Variants in COL18A1 observed in about 807,000 individuals in gnomAD.
COL18A1 encodes the protein collagen alpha-1(XVIII) chain.
A neutral mutation model predicts 168.0 loss-of-function variants in COL18A1; 133 were observed. That is an observed-to-expected ratio of 0.79 (90% CI 0.69 to 0.91). COL18A1 has a LOEUF of 0.91. Ranked by LOEUF, COL18A1 falls within the 40% of genes least tolerant of loss-of-function variation. The pLI is 0.00. For missense variants in COL18A1, 2,126 were observed against 1,925.4 expected (o/e 1.10, Z -1.95); for synonymous variants, 949 against 809.0 (o/e 1.17, Z -2.94).
intron 2 of COL18A1, among the ~76,000 whole-genome samples, chr21:45,442,081 C>T (rs188654368): frequency 8.9e-4 from 136 of 152,322 alleles, no homozygotes; most frequent in African/African-American, 3.1e-3. Flanking sequence ...GCGGGGAGGC[C>T]CATTTGCCCT....
intron 1 of COL18A1, 29 bp from the exon 2 acceptor site, chr21:45,405,350 G>A: frequency 1.6e-6 from 2 of 1,214,842 alleles, no homozygotes; most frequent in Non-Finnish European, 2.1e-6. Flanking sequence ...GGGGTCCTGC[G>A]GGGTCTGACC....
Position 45,489,495 on chromosome 21 carries a change from G to A in COL18A1, c.1933G>A (p.Gly645Ser). The part of the protein sequence containing the change: ...PGLPGLKGDP[G>S]VPGLPGAKGE... ...CCCTTTTTTCACTTAGGGGGATCCT[G>A]GCGTGCCTGGGCTGCCGGGGGCGAA... The change falls in exon 19 of 42, where the codon GGC becomes AGC. Residue 645 changes from glycine to serine, a missense_variant. By Grantham distance (56) the Gly-to-Ser change is moderately conservative. Transcript: ENST00000651438. 1 of 1,602,918 alleles carries A rather than the reference G, an allele frequency of 6.2e-7. No individual in the cohort carries two copies. Among genetic ancestry groups the A allele is most frequent in the East Asian group, 2.2e-5 (1 of 44,600 alleles).
chr21:45,453,699 G>A (rs979554090), intron 2 of COL18A1, among the ~76,000 whole-genome samples: 1 of 152,176 alleles, frequency 6.6e-6, no homozygotes, highest in African/African-American at 2.4e-5. Context: ...GAGTGGGCAG[G>A]GGAAGGGTGG....
At chr21:45,448,454 CATA>C (rs1327616338) in intron 2 of COL18A1, among the ~76,000 whole-genome samples, 1 of 152,266 alleles carries the variant, frequency 6.6e-6, no homozygotes, top group African/African-American at 2.4e-5. Flanking sequence ...TGTATGCACA[CATA>C]ATCCACATGC....
chr21:45,477,319 C>G (rs796271931), intron 6 of COL18A1, 92 bp from the exon 7 acceptor site: 9 of 981,578 alleles, frequency 9.2e-6, no homozygotes, highest in Admixed American at 7.9e-5. Context: ...GGACTGAAAG[C>G]GTTTGGGCTG....
chr21:45,405,487 G>A lies in COL18A1; in HGVS notation c.106+14G>A, dbSNP rs1272150697. 2.2e-6 allele frequency: 3 copies of A among 1,343,832 alleles called. No individual in the cohort carries two copies. The highest frequency in any genetic ancestry group is 2.9e-6 in the Non-Finnish European group (3 of 1,038,300). 83.2% of individuals were successfully genotyped at this position (1,343,832 alleles called of 1,614,324 possible). On this transcript the variant is annotated intron_variant, in intron 2 of 41. Transcript: ENST00000651438. ...CCGCGGAGCCAGGTAAGACCCGGGC[G>A]GGACGGGAAGGTTCGCGCCGGTGCC...
chr21:45,418,037 C>T (rs532059633), intron 2 of COL18A1, among the ~76,000 whole-genome samples: 31 of 152,326 alleles, frequency 2.0e-4, no homozygotes, highest in East Asian at 1.2e-3. Context: ...GGTGCCTGTT[C>T]GTTAACGTGT....
intron 2 of COL18A1, among the ~76,000 whole-genome samples, chr21:45,450,297 G>A (rs2034592502): frequency 6.6e-6 from 1 of 152,158 alleles, no homozygotes; most frequent in Non-Finnish European, 1.5e-5. Flanking sequence ...CTCAGGTGGG[G>A]TCTGCCCTGC....
Position 45,469,748 on chromosome 21 carries a change from G to T in COL18A1, c.651+962G>T, listed in dbSNP as rs575378993. Reference sequence around the variant, plus strand: ...GCCCCTGCCCTGGCGGGCCGCAGGGGACAGAAGGTTAATTATTGCCCAGAC... The same window carrying T: ...GCCCCTGCCCTGGCGGGCCGCAGGGTACAGAAGGTTAATTATTGCCCAGAC... On this transcript the variant is annotated intron_variant, in intron 3 of 41. Transcript: ENST00000651438. 5.9e-5 allele frequency among the ~76,000 whole-genome samples: 9 copies of T among 152,354 alleles called. No individual in the cohort carries two copies. In the East Asian group the frequency reaches 7.7e-4, roughly 13 times the overall value.
At chr21:45,442,586 T>C (rs1275830444) in intron 2 of COL18A1, among the ~76,000 whole-genome samples, 6 of 152,162 alleles carry the variant, frequency 3.9e-5, no homozygotes, top group Non-Finnish European at 1.5e-5. Context: ...GCAGTCCTGG[T>C]GTGGGCGGTG....
intron 3 of COL18A1, among the ~76,000 whole-genome samples, chr21:45,472,551 G>T (rs551540713): frequency 6.6e-6 from 1 of 152,246 alleles, no homozygotes; most frequent in African/African-American, 2.4e-5. Context: ...CTCCTCCCTG[G>T]GCCTGACCTG....
At chr21:45,418,980 C>A (rs954048434) in intron 2 of COL18A1, among the ~76,000 whole-genome samples, 1 of 152,230 alleles carries the variant, frequency 6.6e-6, no homozygotes, top group Non-Finnish European at 1.5e-5. Context: ...CCGCCTCAGT[C>A]TGGGGGCATC....
chr21:45,468,095 G>A, intron 2 of COL18A1, 147 bp from the exon 3 acceptor site: 1 of 816,010 alleles, frequency 1.2e-6, no homozygotes, highest in Non-Finnish European at 1.9e-6. Flanking sequence ...GAGCCCAGGG[G>A]ATCAGGGCAG....
rs762818415 is a variant in COL18A1 at position 45,480,075 on chromosome 21, C to T, written c.1317C>T (p.Asp439=). Residue 439 remains aspartate, a synonymous_variant, in exon 11 of 42, where the codon GAC becomes GAT. Coordinates refer to ENST00000651438, the MANE Select transcript of COL18A1 (RefSeq NM_001379500.1). ...GDVGPKGDKG[D]PGVGERGPPG... Reference sequence around the variant, plus strand: ...GGCTTGTCTTGTGTTCCCAGGGAGACCCTGGGGTTGGAGAGAGAGGGCCCC... The same window carrying T: ...GGCTTGTCTTGTGTTCCCAGGGAGATCCTGGGGTTGGAGAGAGAGGGCCCC... 5.0e-6 allele frequency: 8 copies of T among 1,610,760 alleles called. No individual in the cohort carries two copies. Among genetic ancestry groups the T allele is most frequent in the South Asian group, 2.2e-5 (2 of 91,000 alleles).
chr21:45,498,590 C>T lies in COL18A1; in HGVS notation c.2683+929C>T, dbSNP rs774545195. 2.4e-5 allele frequency: 17 copies of T among 715,990 alleles called. No homozygotes were observed. The highest frequency in any genetic ancestry group is 3.9e-5 in the Non-Finnish European group (15 of 384,246). 44.4% of individuals were successfully genotyped at this position (715,990 alleles called of 1,614,324 possible). A position where few individuals can be genotyped will look rare whatever the true frequency, so the allele number is the denominator to read the frequency against. On this transcript the variant is annotated intron_variant, in intron 32 of 41. Transcript: ENST00000651438. The surrounding 1 kb of genome is among the most constrained non-coding windows in gnomAD (Gnocchi z 4.5). ...GGGACCAGGCAGGCAGAGGCCGAGT[C>T]TGGGCCGGGACATCCTTAAGGCCTG...
chr21:45,467,039 G>C lies in COL18A1; in HGVS notation c.107-1203G>C, dbSNP rs538498246. Reference sequence around the variant, plus strand: ...TGGACGGCGGCCTCTGTCTGAGGGGGATGTGACCGCTGGCCCCCAGAGCCC... The same window carrying C: ...TGGACGGCGGCCTCTGTCTGAGGGGCATGTGACCGCTGGCCCCCAGAGCCC... On this transcript the variant is annotated intron_variant, in intron 2 of 41. Transcript: ENST00000651438. 2.3e-3 allele frequency among the ~76,000 whole-genome samples: 349 copies of C among 152,378 alleles called. 1 individual carries two copies. Among genetic ancestry groups the C allele is most frequent in the African/African-American group, 8.2e-3 (343 of 41,596 alleles).
rs895374913 is a variant in COL18A1 at position 45,443,977 on chromosome 21, G to A, written c.107-24265G>A. Reference sequence around the variant, plus strand: ...CCAGGATGTCACAGGGCGAGTAGGTGTCTGGCCCTACCACTGGGGGGCCAT... The same window carrying A: ...CCAGGATGTCACAGGGCGAGTAGGTATCTGGCCCTACCACTGGGGGGCCAT... On this transcript the variant is annotated intron_variant, in intron 2 of 41. Coordinates refer to ENST00000651438, the MANE Select transcript of COL18A1 (RefSeq NM_001379500.1). This position sits in a 1 kb window ranked among gnomAD's most constrained non-coding sequence, Gnocchi z 5.2. Among the ~76,000 whole-genome samples, 5 of 152,186 alleles carry A rather than the reference G, an allele frequency of 3.3e-5. No individual in the cohort carries two copies. Among genetic ancestry groups the A allele is most frequent in the Non-Finnish European group, 7.3e-5 (5 of 68,030 alleles).
In COL18A1 at chr21:45,491,213, C is replaced by T. The variant is rs1453961369; in HGVS notation, c.2068-12C>T. ...TGAGATGAAATGCCGGACGCGTGGC[C>T]TCCTCTTCCAGGGAGATCCAGGGAA... On this transcript the variant is annotated splice_polypyrimidine_tract_variant and intron_variant, in intron 21 of 41. Transcript: ENST00000651438. The T allele has an allele frequency of 1.2e-6, 2 of 1,608,956 alleles. No homozygotes were observed. Among genetic ancestry groups the T allele is most frequent in the East Asian group, 2.2e-5 (1 of 44,846 alleles).
At chr21:45,470,492 G>GTTTTTTTTTTTTT (rs71185152) in intron 3 of COL18A1, among the ~76,000 whole-genome samples, 2 of 40,816 alleles carry the variant, frequency 4.9e-5, no homozygotes, top group African/African-American at 1.2e-4. Flanking sequence ...TTTTTTTTTT[G>GTTTTTTTTTTTTT]TTTTTTTTTT....
Sources: gnomAD v4.1 joint callset for allele counts (sites outside exome capture counted in the v4.1 genomes callset) on GRCh38, gnomAD v4.1.1 for gene constraint, Gnocchi (gnomAD v3.1) non-coding constraint, MANE v1.5 for transcripts, NCBI Gene and HGNC (gene_info 2026-07-23, HGNC 2026-07-21) for gene names.